The following ATP11A variants were observed in gnomAD, a reference collection of about 807,000 sequenced individuals.
The protein encoded by ATP11A is phospholipid-transporting ATPase IH.
ATP11A carries 81 observed loss-of-function variants against 154.4 expected under a neutral mutation model. The observed-to-expected ratio is 0.52, with a 90% CI of 0.44 to 0.63. The LOEUF is 0.63. Ranked by LOEUF, ATP11A falls within the 30% of genes least tolerant of loss-of-function variation. ATP11A has a pLI of 0.00. For missense variants in ATP11A, 1,316 were observed against 1,474.3 expected (o/e 0.89, Z 1.76); for synonymous variants, 623 against 585.9 (o/e 1.06, Z -0.91).
chr13:112,880,969 G>A, intron 29 of ATP11A: 2 of 992,220 alleles, frequency 2.0e-6, no homozygotes, highest in Non-Finnish European at 1.2e-6. Flanking sequence ...CACTTAAAAG[G>A]CCCATCAGGA....
In ATP11A at chr13:112,859,531, G is replaced by A. The variant is rs973088433; in HGVS notation, c.2727+79G>A. 1 of 1,245,802 alleles carries A rather than the reference G, an allele frequency of 8.0e-7. No homozygotes were observed. Among genetic ancestry groups the A allele is most frequent in the Non-Finnish European group, 1.2e-6 (1 of 845,710 alleles). 77.2% of individuals were successfully genotyped at this position (1,245,802 alleles called of 1,614,324 possible). The stretch of plus-strand genomic sequence containing the variant: ...CAGTGGGTGGCTGCTGTGGGGAGGG[G>A]AGACTTGGGAATGAGCAGCACTCCC... On this transcript the variant is annotated intron_variant, in intron 23 of 29. Transcript: ENST00000375645. The surrounding 1 kb of genome is among the most constrained non-coding windows in gnomAD (Gnocchi z 4.3).
Position 112,881,983 on chromosome 13 carries a change from C to G in ATP11A, c.*117C>G, listed in dbSNP as rs373503914. 1.8e-5 allele frequency: 24 copies of G among 1,367,728 alleles called. No individual in the cohort carries two copies. The highest frequency in any genetic ancestry group is 2.9e-6 in the Non-Finnish European group (3 of 1,022,008). The allele number at this position is 1,367,728 out of a possible 1,614,324, so 84.7% of individuals were successfully genotyped here. A position where few individuals can be genotyped will look rare whatever the true frequency, so the allele number is the denominator to read the frequency against. On this transcript the variant is annotated 3_prime_UTR_variant, in exon 30 of 30. Coordinates refer to ENST00000375645, the MANE Select transcript of ATP11A (RefSeq NM_015205.3). ...AGAAGGTGTCCACGGAGCCCCCACC[C>G]ATCCTCGGCGGTTCCCATCACCACT...
At chr13:112,815,888 T>TAG (rs1195641425) in intron 5 of ATP11A, among the ~76,000 whole-genome samples, 195 bp from the exon 6 acceptor site, 3 of 152,186 alleles carry the variant, frequency 2.0e-5, no homozygotes, top group African/African-American at 7.2e-5. Context: ...CTGCGGAAGT[T>TAG]AGAACATTGA....
At chr13:112,742,864 T>A (rs1180984204) in intron 1 of ATP11A, among the ~76,000 whole-genome samples, 1 of 152,204 alleles carries the variant, frequency 6.6e-6, no homozygotes, top group East Asian at 1.9e-4. Context: ...CAATCCTTAC[T>A]GTGTAGCGAG....
intron 1 of ATP11A, among the ~76,000 whole-genome samples, chr13:112,756,513 G>A (rs1420898742): frequency 6.6e-6 from 1 of 152,156 alleles, no homozygotes; most frequent in Non-Finnish European, 1.5e-5. Flanking sequence ...TTGGTAACAG[G>A]GTCCCTGTCA....
At chr13:112,716,548 C>G (rs894178601) in intron 1 of ATP11A, among the ~76,000 whole-genome samples, 1 of 152,214 alleles carries the variant, frequency 6.6e-6, no homozygotes, top group Non-Finnish European at 1.5e-5. Flanking sequence ...AAGGAGGCCT[C>G]CTGGGACTGG....
chr13:112,828,747 C>T lies in ATP11A; in HGVS notation c.1221+1856C>T, dbSNP rs555580146. ...GCTCCAGCTTGGAGGCTGACCTCCTCGTACACAAAGAAGTGTGTACTGTTG... is the reference window on the plus strand; with the variant it reads ...GCTCCAGCTTGGAGGCTGACCTCCTTGTACACAAAGAAGTGTGTACTGTTG... On this transcript the variant is annotated intron_variant, in intron 12 of 29. Transcript: ENST00000375645. Among the ~76,000 whole-genome samples, 4 of 152,312 alleles carry T rather than the reference C, an allele frequency of 2.6e-5. No individual in the cohort carries two copies. The East Asian group carries it at 5.8e-4, about 22-fold the overall frequency.
intron 2 of ATP11A, among the ~76,000 whole-genome samples, chr13:112,794,120 G>A (rs1046283653): frequency 6.6e-6 from 1 of 152,154 alleles, no homozygotes; most frequent in African/African-American, 2.4e-5. Flanking sequence ...AGCACCACTC[G>A]GTTTTCCCAG....
chr13:112,833,325 T>C (rs2079148155), intron 14 of ATP11A, among the ~76,000 whole-genome samples: 1 of 152,134 alleles, frequency 6.6e-6, no homozygotes, highest in African/African-American at 2.4e-5. Context: ...GGCTTCAAAA[T>C]ACGGAAACAA....
chr13:112,714,256 C>T (rs975617770), intron 1 of ATP11A, among the ~76,000 whole-genome samples: 3 of 151,770 alleles, frequency 2.0e-5, no homozygotes, highest in African/African-American at 7.3e-5. Context: ...CAATTAGCAC[C>T]GATTTTCCTT....
chr13:112,837,029 A>G (rs576008496), intron 16 of ATP11A, among the ~76,000 whole-genome samples: 127 of 152,338 alleles, frequency 8.3e-4, no homozygotes, highest in African/African-American at 3.0e-3. Context: ...CACATGCCAC[A>G]GGTCACTCAA....
rs4907551 is a variant in ATP11A at position 112,868,983 on chromosome 13, A to G, written c.2992-2752A>G. Among the ~76,000 whole-genome samples the G allele has an allele frequency of 5.3e-3, 806 of 152,166 alleles. 37 individuals are homozygous for G. The highest frequency in any genetic ancestry group is 0.046 in the Admixed American group (703 of 15,248). On this transcript the variant is annotated intron_variant, in intron 25 of 29. Coordinates refer to ENST00000375645, the MANE Select transcript of ATP11A (RefSeq NM_015205.3). Reference sequence around the variant, plus strand: ...AGATCTCATGAGAACTCACTCGCCCACCGTCAACGAGATCTGCAAGGAGGA... The same window carrying G: ...AGATCTCATGAGAACTCACTCGCCCGCCGTCAACGAGATCTGCAAGGAGGA...
At chr13:112,744,247 G>A (rs1891869145) in intron 1 of ATP11A, among the ~76,000 whole-genome samples, 1 of 152,204 alleles carries the variant, frequency 6.6e-6, no homozygotes, top group East Asian at 1.9e-4. Context: ...GTGTGTTGAC[G>A]GATTTCTCTG....
intron 2 of ATP11A, among the ~76,000 whole-genome samples, chr13:112,796,545 TC>T (rs1480679988): frequency 6.6e-6 from 1 of 152,188 alleles, no homozygotes; most frequent in East Asian, 1.9e-4. Flanking sequence ...GAAAAGTTTC[TC>T]CCTGGAGCCT....
chr13:112,857,743 T>C lies in ATP11A; in HGVS notation c.2419-75T>C, dbSNP rs887025575. On this transcript the variant is annotated intron_variant, in intron 20 of 29. Coordinates refer to ENST00000375645, the MANE Select transcript of ATP11A (RefSeq NM_015205.3). The stretch of plus-strand genomic sequence containing the variant: ...CTAGGCTAACTTTTCATCTTTGTTA[T>C]TTCTGCCTAGTGAATGAATAACCTG... The C allele has an allele frequency of 1.3e-5, 16 of 1,212,570 alleles. No homozygotes were observed. In the South Asian group the frequency reaches 2.0e-4, roughly 16 times the overall value. The allele number at this position is 1,212,570 out of a possible 1,614,324, so 75.1% of individuals were successfully genotyped here. A position where few individuals can be genotyped will look rare whatever the true frequency, so the allele number is the denominator to read the frequency against.
chr13:112,832,626 C>T (rs566689536), intron 13 of ATP11A, among the ~76,000 whole-genome samples: 1 of 152,314 alleles, frequency 6.6e-6, no homozygotes, highest in African/African-American at 2.4e-5. Flanking sequence ...CGGTGCTGAA[C>T]GCACGCCCGT....
chr13:112,729,497 A>G (rs1257257352), intron 1 of ATP11A, among the ~76,000 whole-genome samples: 5 of 152,106 alleles, frequency 3.3e-5, no homozygotes, highest in Admixed American at 2.6e-4. Flanking sequence ...GCGTGTGAAC[A>G]GTGTCGGAAG....
At chr13:112,861,414 A>G (rs1383465034) in intron 24 of ATP11A, among the ~76,000 whole-genome samples, 1 of 152,264 alleles carries the variant, frequency 6.6e-6, no homozygotes, top group Non-Finnish European at 1.5e-5. Context: ...ACTGCAGTCC[A>G]GCATCACATC....
In ATP11A at chr13:112,885,159, C is replaced by G. The variant is rs1017238645; in HGVS notation, c.*3293C>G. ...CATGCACGTGTACACATACCACAGACACGCGTGTGCATGCTCCTACACAAT... is the reference window on the plus strand; with the variant it reads ...CATGCACGTGTACACATACCACAGAGACGCGTGTGCATGCTCCTACACAAT... On this transcript the variant is annotated 3_prime_UTR_variant, in exon 30 of 30. Transcript: ENST00000375645. The G allele has an allele frequency of 1.3e-4, 20 of 152,344 alleles. No individual in the cohort carries two copies. Among genetic ancestry groups the G allele is most frequent in the African/African-American group, 4.8e-4 (20 of 41,572 alleles). The allele number at this position is 152,344 out of a possible 1,614,324, so 9.4% of individuals were successfully genotyped here. A position where few individuals can be genotyped will look rare whatever the true frequency, so the allele number is the denominator to read the frequency against.
Sources: gnomAD v4.1 joint callset for allele counts (sites outside exome capture counted in the v4.1 genomes callset) on GRCh38, gnomAD v4.1.1 for gene constraint, Gnocchi (gnomAD v3.1) non-coding constraint, MANE v1.5 for transcripts, NCBI Gene and HGNC (gene_info 2026-07-23, HGNC 2026-07-21) for gene names.